The following QTGAL variants were observed in gnomAD, a reference collection of about 807,000 sequenced individuals.
The protein encoded by QTGAL is BGnT-like protein 1.
At chr17:83,040,147 C>T in the QTGAL span, among the ~76,000 whole-genome samples, 1 of 152,106 alleles carries the variant, frequency 6.6e-6, no homozygotes, top group African/African-American at 2.4e-5. Flanking sequence ...TTTTAAAATC[C>T]CAATGCCCAC....
chr17:83,048,673 C>T, the QTGAL span: 2 of 1,612,832 alleles, frequency 1.2e-6, no homozygotes, highest in Non-Finnish European at 1.7e-6. Flanking sequence ...ACAAACCTTA[C>T]TGGCATCATT....
chr17:82,942,524 G>C, the QTGAL span: 1 of 1,612,392 alleles, frequency 6.2e-7, no homozygotes, highest in South Asian at 1.1e-5. Flanking sequence ...TCCTGAGGGA[G>C]GCCGGTGTGG....
chr17:83,011,499 A>G, the QTGAL span: 1 of 152,252 alleles, frequency 6.6e-6, no homozygotes, highest in Non-Finnish European at 1.5e-5. Flanking sequence ...ACCACGAACC[A>G]GCAACTGCAA....
the QTGAL span, among the ~76,000 whole-genome samples, chr17:83,008,884 G>A: frequency 1.7e-3 from 255 of 152,166 alleles, no homozygotes; most frequent in Admixed American, 4.0e-3. Context: ...GTGCGGGCTC[G>A]AGATGATCCC....
chr17:83,000,094 C>A, the QTGAL span, among the ~76,000 whole-genome samples: 1 of 152,152 alleles, frequency 6.6e-6, no homozygotes, highest in Admixed American at 6.5e-5. Context: ...TCCCATGTAG[C>A]TGGGATTACA....
the QTGAL span, among the ~76,000 whole-genome samples, chr17:82,977,931 G>A: frequency 2.6e-5 from 4 of 152,086 alleles, no homozygotes; most frequent in Admixed American, 2.0e-4. Context: ...CATCCCGACC[G>A]ATGTGCACTC....
At chr17:82,964,758 G>A in the QTGAL span, among the ~76,000 whole-genome samples, 42 of 132,346 alleles carry the variant, frequency 3.2e-4, no homozygotes, top group Non-Finnish European at 4.0e-4. Context: ...CCCCACGGGG[G>A]GGACGGGGAC....
the QTGAL span, among the ~76,000 whole-genome samples, chr17:82,985,158 G>A: frequency 5.3e-5 from 8 of 152,176 alleles, no homozygotes; most frequent in African/African-American, 1.7e-4. Context: ...TTCACCTTTC[G>A]GTTTGTTTAG....
the QTGAL span, among the ~76,000 whole-genome samples, chr17:82,984,093 C>CG: frequency 0.082 from 8,684 of 106,196 alleles, 1,266 homozygotes; most frequent in African/African-American, 0.11. Context: ...CGTGAGCACA[C>CG]GGGGGAGAGA....
the QTGAL span, among the ~76,000 whole-genome samples, chr17:82,959,319 C>T: frequency 6.6e-6 from 1 of 151,936 alleles, no homozygotes; most frequent in East Asian, 1.9e-4. Context: ...GTGCACATGC[C>T]TGCATGTACC....
At chr17:83,029,560 G>A in the QTGAL span, among the ~76,000 whole-genome samples, 2 of 152,134 alleles carry the variant, frequency 1.3e-5, no homozygotes, top group African/African-American at 2.4e-5. Context: ...TTTGTCACAC[G>A]ATGAAAACAA....
chr17:82,960,101 C>T, the QTGAL span, among the ~76,000 whole-genome samples: 12 of 152,306 alleles, frequency 7.9e-5, no homozygotes, highest in African/African-American at 2.9e-4. Flanking sequence ...GCCAAGGTGC[C>T]GGTGGGCATA....
the QTGAL span, among the ~76,000 whole-genome samples, chr17:83,029,824 G>C: frequency 5.9e-5 from 9 of 152,272 alleles, no homozygotes; most frequent in East Asian, 1.7e-3. Flanking sequence ...CCTCTCCAGC[G>C]CAAGCACCAC....
chr17:83,027,750 T>C, the QTGAL span, among the ~76,000 whole-genome samples: 1 of 130,858 alleles, frequency 7.6e-6, no homozygotes, highest in African/African-American at 2.9e-5. Context: ...GGAAAAAATA[T>C]CCACAATCTA....
At chr17:82,957,313 G>A in the QTGAL span, 2 of 1,614,022 alleles carry the variant, frequency 1.2e-6, no homozygotes, top group Middle Eastern at 1.7e-4. Context: ...CTGTGGGACA[G>A]TACGGGGGCA....
chr17:83,024,201 C>A, the QTGAL span, among the ~76,000 whole-genome samples: 1 of 152,226 alleles, frequency 6.6e-6, no homozygotes, highest in Non-Finnish European at 1.5e-5. Context: ...CCCTCCTGGT[C>A]GTCTGCAGAA....
the QTGAL span, among the ~76,000 whole-genome samples, chr17:82,952,032 C>T: frequency 3.9e-5 from 6 of 152,166 alleles, no homozygotes; most frequent in Admixed American, 3.3e-4. Flanking sequence ...GGGTTGCTCT[C>T]GTGGGGCTGC....
the QTGAL span, among the ~76,000 whole-genome samples, chr17:82,995,678 C>T: frequency 7.2e-5 from 11 of 152,060 alleles, no homozygotes; most frequent in Non-Finnish European, 1.2e-4. Flanking sequence ...CCACTATGTC[C>T]GGCCATCAGT....
the QTGAL span, among the ~76,000 whole-genome samples, chr17:83,034,784 A>C: frequency 0.2 from 30,848 of 152,234 alleles, 3,284 homozygotes; most frequent in Non-Finnish European, 0.24. Flanking sequence ...ATCGGCCGCC[A>C]CGTCAGACAT....
Sources: gnomAD v4.1 joint callset for allele counts (sites outside exome capture counted in the v4.1 genomes callset) on GRCh38, gnomAD v4.1.1 for gene constraint, MANE v1.5 for transcripts, NCBI Gene and HGNC (gene_info 2026-07-23, HGNC 2026-07-21) for gene names.